The following MED13 variants were observed in gnomAD, a reference collection of about 807,000 sequenced individuals.
MED13 encodes mediator of RNA polymerase II transcription subunit 13.
Under a neutral mutation model 225.2 loss-of-function variants are expected in MED13, and 23 were observed. That is an observed-to-expected ratio of 0.10 (90% confidence interval 0.07 to 0.14). The LOEUF is 0.14. MED13 is among the 10% of genes least tolerant of loss of function. MED13 has a pLI of 1.00. For synonymous variants in MED13, 942 were observed against 889.2 expected (o/e 1.06, Z -1.06); for missense variants, 2,197 against 2,594.5 (o/e 0.85, Z 3.33).
intron 26 of MED13, among the ~76,000 whole-genome samples, chr17:61,953,657 C>T (rs1328280004): frequency 1.3e-5 from 2 of 152,142 alleles, no homozygotes; most frequent in Non-Finnish European, 2.9e-5. Context: ...TTGACTTTGG[C>T]CCAGTGAGAC....
intron 26 of MED13, among the ~76,000 whole-genome samples, chr17:61,954,340 T>C (rs1309194898): frequency 2.0e-5 from 3 of 152,170 alleles, no homozygotes; most frequent in African/African-American, 7.2e-5. Context: ...AAAAGCTACG[T>C]CCCTACTTTG....
Position 61,972,795 on chromosome 17 carries a change from C to G in MED13, c.3899G>C (p.Arg1300Thr). 1 of 1,613,888 alleles carries G rather than the reference C, an allele frequency of 6.2e-7. No homozygotes were observed. The highest frequency in any genetic ancestry group is 8.5e-7 in the Non-Finnish European group (1 of 1,179,970). Residue 1300 changes from arginine to threonine, a missense_variant, in exon 17 of 30, where the codon AGA becomes ACA. Arg to Thr is a moderately conservative substitution (Grantham distance 71). Transcript: ENST00000397786. ...QDAIQKKRTV[R>T]PWGVQGPLTW... ...GAGAGGACCCTGAACACCCCAAGGT[C>G]TTACTGTTCTTTTTTTCTGAATGGC...
At chr17:62,058,520 C>CAAAAAAAAAAAAAAA in intron 2 of MED13, among the ~76,000 whole-genome samples, 1 of 53,452 alleles carries the variant, frequency 1.9e-5, no homozygotes, top group African/African-American at 7.7e-5. Flanking sequence ...GACTTCATCT[C>CAAAAAAAAAAAAAAA]AAAAAAAAAA....
chr17:62,060,927 T>G (rs2081034382), intron 2 of MED13, among the ~76,000 whole-genome samples: 1 of 152,036 alleles, frequency 6.6e-6, no homozygotes, highest in Non-Finnish European at 1.5e-5. Context: ...CTCTATCTCC[T>G]GACCCTGCGA....
At chr17:62,031,369 TA>T in intron 6 of MED13, 74 bp downstream of exon 6, 1 of 1,228,120 alleles carries the variant, frequency 8.1e-7, no homozygotes, top group Non-Finnish European at 1.1e-6. Flanking sequence ...TATTTCAAAA[TA>T]AATTATTTCT....
At chr17:61,954,222 C>T (rs2079921831) in intron 26 of MED13, among the ~76,000 whole-genome samples, 1 of 152,136 alleles carries the variant, frequency 6.6e-6, no homozygotes, top group Non-Finnish European at 1.5e-5. Flanking sequence ...AGCATAATAA[C>T]CATACTTGTG....
intron 8 of MED13, among the ~76,000 whole-genome samples, chr17:62,028,966 G>A (rs2080728555): frequency 6.6e-6 from 1 of 152,048 alleles, no homozygotes; most frequent in Non-Finnish European, 1.5e-5. Context: ...AATAAGCCTG[G>A]ACAACATACC....
intron 10 of MED13, among the ~76,000 whole-genome samples, chr17:61,994,057 G>A (rs538078394): frequency 2.8e-4 from 42 of 151,124 alleles, no homozygotes; most frequent in South Asian, 1.2e-3. Flanking sequence ...GAAGTTCACT[G>A]GCATGATCTC....
intron 10 of MED13, among the ~76,000 whole-genome samples, chr17:61,993,668 G>A (rs968068934): frequency 4.6e-5 from 7 of 150,860 alleles, no homozygotes; most frequent in Non-Finnish European, 4.4e-5. Context: ...GGTGGCTCAC[G>A]CCTGTAATCC....
At chr17:61,970,742 T>TTC (rs1555632765) in intron 17 of MED13, among the ~76,000 whole-genome samples, 1 of 149,414 alleles carries the variant, frequency 6.7e-6, no homozygotes, top group African/African-American at 2.5e-5. Context: ...TTTTTTTTTT[T>TTC]CTTGAAATAC....
intron 8 of MED13, among the ~76,000 whole-genome samples, chr17:62,018,841 C>A (rs943156170): frequency 2.0e-5 from 3 of 152,214 alleles, no homozygotes; most frequent in South Asian, 4.1e-4. Context: ...ATCGATCCTA[C>A]ACGGATATTT....
intron 3 of MED13, among the ~76,000 whole-genome samples, chr17:62,046,304 A>G (rs2080897392): frequency 6.6e-6 from 1 of 152,198 alleles, no homozygotes; most frequent in Admixed American, 6.5e-5. Flanking sequence ...AAGTTCCTGT[A>G]AAAAAGAGAT....
In MED13 at chr17:61,979,996, C is replaced by T. The variant is rs1338901975; in HGVS notation, c.3805+2202G>A. 2.6e-5 allele frequency among the ~76,000 whole-genome samples: 4 copies of T among 152,244 alleles called. No individual in the cohort carries two copies. The East Asian group carries it at 7.7e-4, about 29-fold the overall frequency. On this transcript the variant is annotated intron_variant, in intron 16 of 29. Coordinates refer to ENST00000397786, the MANE Select transcript of MED13 (RefSeq NM_005121.3). The stretch of plus-strand genomic sequence containing the variant: ...CTGAGCTCAGGAGTTCGAGACCAGC[C>T]TGGGCAACACAGTGAAACCTCGTCT...
chr17:62,029,592 G>A lies in MED13; in HGVS notation c.1232C>T (p.Ala411Val). ...LCEEATAAKV[A>V]SWDFVEATQR... The stretch of plus-strand genomic sequence containing the variant: ...TGTGGCTTCAACAAAATCCCAGGAT[G>A]CCACTTTAGCAGCTGTCGCTTCTTC... The change falls in exon 8 of 30, where the codon GCA becomes GTA. Residue 411 changes from alanine to valine, a missense_variant. Physicochemically the swap from Ala to Val is moderately conservative, Grantham distance 64. This residue lies in a region of MED13 where 884 missense variants were observed against 918.5 expected (regional missense o/e 0.96). Coordinates refer to ENST00000397786, the MANE Select transcript of MED13 (RefSeq NM_005121.3). The A allele has an allele frequency of 6.2e-7, 1 of 1,614,178 alleles. No individual in the cohort carries two copies. The highest frequency in any genetic ancestry group is 1.1e-5 in the South Asian group (1 of 91,080).
chr17:61,989,079 T>C (rs967435291), intron 11 of MED13, among the ~76,000 whole-genome samples: 3 of 150,310 alleles, frequency 2.0e-5, no homozygotes, highest in African/African-American at 7.3e-5. Context: ...TGGCGTGATC[T>C]CGGCTCACTG....
Position 61,945,827 on chromosome 17 carries a change from A to G in MED13, c.*641T>C, listed in dbSNP as rs1301982388. On this transcript the variant is annotated 3_prime_UTR_variant, in exon 30 of 30. Transcript: ENST00000397786. ...TAAACTGTACATCGAGACAATACAA[A>G]TTTACTGTCCCACCCACCCCCTTAC... The G allele has an allele frequency of 6.6e-6, 1 of 152,516 alleles. No homozygotes were observed. The highest frequency in any genetic ancestry group is 2.4e-5 in the African/African-American group (1 of 41,396). 9.4% of individuals were successfully genotyped at this position (152,516 alleles called of 1,614,324 possible). A position where few individuals can be genotyped will look rare whatever the true frequency, so the allele number is the denominator to read the frequency against.
rs1285357427 is a variant in MED13, at chr17:62,063,317, C to T, written c.67-16G>A. On this transcript the variant is annotated splice_polypyrimidine_tract_variant and intron_variant, in intron 1 of 29. Coordinates refer to ENST00000397786, the MANE Select transcript of MED13 (RefSeq NM_005121.3). ...TCAAGTCAGCCTGAAGGAAAGAAAG[C>T]ATTAAGTTTTATTACTGCATATTCA... is the stretch of plus-strand genomic sequence containing the variant. 2 of 1,573,510 alleles carry T rather than the reference C, an allele frequency of 1.3e-6. No individual in the cohort carries two copies. Among genetic ancestry groups the T allele is most frequent in the East Asian group, 4.5e-5 (2 of 44,660 alleles).
rs1311440819 is a variant in MED13 at position 62,033,891 on chromosome 17, T to A, written c.710A>T (p.Lys237Ile). ...GCAACATGAGATAGGATAGAACTGT[T>A]TCCATTCACCAATTAATTTTTTTGT... ...SATKKLIGEW[K>I]QFYPISCCLK... is the part of the protein sequence containing the mutation. The change falls in exon 5 of 30, where the codon AAA (lysine) becomes ATA (isoleucine). Residue 237 changes from lysine (K) to isoleucine (I), a missense_variant. This residue lies in a region of MED13 where 884 missense variants were observed against 918.5 expected (regional missense o/e 0.96). Coordinates refer to ENST00000397786, the MANE Select transcript of MED13 (RefSeq NM_005121.3). The A allele has an allele frequency of 1.2e-6, 2 of 1,613,986 alleles. No individual in the cohort carries two copies. The highest frequency in any genetic ancestry group is 2.2e-5 in the East Asian group (1 of 44,880).
chr17:62,014,214 T>C (rs760512091), intron 8 of MED13, among the ~76,000 whole-genome samples: 23 of 151,710 alleles, frequency 1.5e-4, no homozygotes, highest in Non-Finnish European at 2.2e-4. Flanking sequence ...TTGCCAAAAA[T>C]ATTGAAGTTG....
Sources: allele counts gnomAD v4.1 joint callset (sites outside exome capture counted in the v4.1 genomes callset), GRCh38; gene constraint gnomAD v4.1.1; regional missense constraint gnomAD v4.1.1; transcripts MANE v1.5; gene names NCBI Gene and HGNC (gene_info 2026-07-23, HGNC 2026-07-21).